The following CCDC191 variants were observed in gnomAD, a reference collection of about 807,000 sequenced individuals.
The protein encoded by CCDC191 is coiled-coil domain-containing protein 191.
A neutral mutation model predicts 114.0 loss-of-function variants in CCDC191; 99 were observed. The ratio of observed to expected loss-of-function variants is 0.87; its 90% CI spans 0.74 to 1.03. The LOEUF (loss-of-function observed/expected upper bound fraction) is 1.03. Among genes scored for constraint, CCDC191 ranks in the 50% least tolerant of loss-of-function variants. CCDC191 has a pLI of 0.00. For synonymous variants in CCDC191, 351 were observed against 376.0 expected (o/e 0.93, Z 0.77); for missense variants, 973 against 1,087.0 (o/e 0.90, Z 1.47).
At chr3:114,031,910 A>G in intron 6 of CCDC191, 131 bp from the exon 7 acceptor site, 1 of 560,996 alleles carries the variant, frequency 1.8e-6, no homozygotes, top group African/African-American at 1.9e-5. Flanking sequence ...TGGCTCTAAA[A>G]CTACATAGTA....
rs760334099 is a variant in CCDC191, at chr3:114,010,955, C to T, written c.1230G>A (p.Gln410=). 101 of 1,613,962 alleles carry T rather than the reference C, an allele frequency of 6.3e-5. No homozygotes were observed. In the Admixed American group the frequency reaches 6.3e-4, roughly 10 times the overall value. Reference sequence around the variant, plus strand: ...TCAGGAGCTCGGCGCCATGCCAATGCTGCCATTCTGTAAAGCAGTGTCGGA... The same window carrying T: ...TCAGGAGCTCGGCGCCATGCCAATGTTGCCATTCTGTAAAGCAGTGTCGGA... ...QVLRHCFTEW[Q]HWHGAELLKR... The change falls in exon 9 of 17, where the codon CAG becomes CAA. Residue 410 remains glutamine, a synonymous_variant. Coordinates refer to ENST00000295878, the MANE Select transcript of CCDC191 (RefSeq NM_020817.2).
chr3:114,005,745 G>A lies in CCDC191; in HGVS notation c.1631C>T (p.Ala544Val), dbSNP rs1396750159. ...NETLRTTSQK[A>V]EPLCLGHFHN... ...GAAATGACCCAAGCAAAGCGGTTCT[G>A]CTTTCTGGCTGGTAGTTCTGAGTGT... is the stretch of plus-strand genomic sequence containing the variant. The change falls in exon 10 of 17, where the codon GCA (alanine) becomes GTA (valine). Residue 544 changes from alanine to valine, a missense_variant. Coordinates refer to ENST00000295878, the MANE Select transcript of CCDC191 (RefSeq NM_020817.2). 1 of 1,614,134 alleles carries A rather than the reference G, an allele frequency of 6.2e-7. No individual in the cohort carries two copies. The highest frequency in any genetic ancestry group is 8.5e-7 in the Non-Finnish European group (1 of 1,180,004).
chr3:113,985,507 A>G (rs2075322198), intron 13 of CCDC191, among the ~76,000 whole-genome samples: 1 of 152,158 alleles, frequency 6.6e-6, no homozygotes, highest in Admixed American at 6.6e-5. Flanking sequence ...AAGCTCTACC[A>G]CTGGAGTGGG....
chr3:113,968,339 T>A (rs927365061), intron 16 of CCDC191, among the ~76,000 whole-genome samples: 1 of 152,246 alleles, frequency 6.6e-6, no homozygotes, highest in Admixed American at 6.5e-5. Flanking sequence ...TGGCATAAGA[T>A]GATATCGCAT....
chr3:114,055,405 T>C (rs2076757359), intron 1 of CCDC191, among the ~76,000 whole-genome samples: 1 of 152,246 alleles, frequency 6.6e-6, no homozygotes, highest in Admixed American at 6.5e-5. Context: ...AGCCTCAGTT[T>C]CCAAGTCTCC....
chr3:114,050,082 C>G (rs539308399), intron 2 of CCDC191, among the ~76,000 whole-genome samples: 11 of 152,310 alleles, frequency 7.2e-5, no homozygotes, highest in African/African-American at 2.6e-4. Flanking sequence ...TTAAGAAAAA[C>G]TGAACACCTT....
At chr3:114,010,693 T>C in intron 9 of CCDC191, 79 bp downstream of exon 9, 1 of 1,411,976 alleles carries the variant, frequency 7.1e-7, no homozygotes, top group South Asian at 1.4e-5. Flanking sequence ...GACAAAGCAA[T>C]CTGACAATGA....
chr3:113,971,527 C>T (rs1483674836), intron 16 of CCDC191, among the ~76,000 whole-genome samples: 1 of 152,156 alleles, frequency 6.6e-6, no homozygotes, highest in Admixed American at 6.5e-5. Flanking sequence ...TGGGATAAAT[C>T]CCACTTGATC....
intron 7 of CCDC191, among the ~76,000 whole-genome samples, chr3:114,021,286 G>A (rs1577432078): frequency 6.6e-6 from 1 of 151,992 alleles, no homozygotes; most frequent in East Asian, 1.9e-4. Context: ...TACTTATGTT[G>A]AGACTTTGAG....
intron 7 of CCDC191, 71 bp from the exon 8 acceptor site, chr3:114,018,939 C>G (rs1297456304): frequency 1.5e-6 from 2 of 1,363,134 alleles, no homozygotes; most frequent in African/African-American, 2.9e-5. Context: ...ACTGACAGCC[C>G]TCTCCTCAGA....
chr3:114,046,918 T>C (rs1399046894), intron 2 of CCDC191, 186 bp from the exon 3 acceptor site: 2 of 971,080 alleles, frequency 2.1e-6, no homozygotes, highest in African/African-American at 1.8e-5. Context: ...TCATATATAA[T>C]ATTAAATTAA....
Position 114,046,642 on chromosome 3 carries a change from C to G in CCDC191, c.220G>C (p.Asp74His), listed in dbSNP as rs1353452123. ...LPRSPWGQIT[D>H]LKTSEQIEDH... ...TCTATTTGCTCAGATGTTTTCAAAT[C>G]TGTGATTTGGCCCCAGGGACTTCTA... The change falls in exon 3 of 17, where the codon GAT (aspartate) becomes CAT (histidine). Residue 74 changes from aspartate to histidine, a missense_variant. Physicochemically the swap from Asp to His is moderately conservative, Grantham distance 81. Coordinates refer to ENST00000295878, the MANE Select transcript of CCDC191 (RefSeq NM_020817.2). The G allele has an allele frequency of 6.2e-7, 1 of 1,612,178 alleles. No homozygotes were observed. The highest frequency in any genetic ancestry group is 1.1e-5 in the South Asian group (1 of 91,042).
At chr3:114,053,297 A>G (rs1038930940) in intron 2 of CCDC191, among the ~76,000 whole-genome samples, 1 of 152,178 alleles carries the variant, frequency 6.6e-6, no homozygotes, top group African/African-American at 2.4e-5. Flanking sequence ...GAAGGCCACC[A>G]TATCCTCTCC....
rs750469447 is a variant in CCDC191, at chr3:114,031,688, C to A, written c.910G>T (p.Val304Leu). The change falls in exon 7 of 17, where the codon GTG (valine) becomes TTG (leucine). Residue 304 changes from valine to leucine, a missense_variant. Val to Leu is a conservative substitution (Grantham distance 32, BLOSUM62 1). Transcript: ENST00000295878. ...THILPDEEKM[V>L]KERKRKLKEV... ...TTCAATTTCCTTTTTCTTTCCTTCACCATTTTTTCCTCATCTGGAAGAATG... is the reference window on the plus strand; with the variant it reads ...TTCAATTTCCTTTTTCTTTCCTTCAACATTTTTTCCTCATCTGGAAGAATG... 1.3e-6 allele frequency: 2 copies of A among 1,597,946 alleles called. No homozygotes were observed. The highest frequency in any genetic ancestry group is 2.2e-5 in the South Asian group (2 of 90,642).
chr3:114,043,102 T>C (rs188563246), intron 3 of CCDC191, among the ~76,000 whole-genome samples: 146 of 152,280 alleles, frequency 9.6e-4, no homozygotes, highest in Middle Eastern at 3.4e-3. Flanking sequence ...ATGGGTGTTG[T>C]AGCTTTAAAT....
At chr3:113,977,289 G>C (rs1305752685) in intron 16 of CCDC191, among the ~76,000 whole-genome samples, 1 of 151,912 alleles carries the variant, frequency 6.6e-6, no homozygotes, top group Non-Finnish European at 1.5e-5. Flanking sequence ...GTTGAGAAAA[G>C]GGGCATTTTT....
chr3:113,976,195 G>T (rs932465898), intron 16 of CCDC191, among the ~76,000 whole-genome samples: 9 of 151,970 alleles, frequency 5.9e-5, no homozygotes, highest in Non-Finnish European at 4.4e-5. Flanking sequence ...GGAGGCGGAG[G>T]TTGCAGTGAG....
At chr3:113,965,442 ATAATTCTTATGT>A (rs1430858411) in intron 16 of CCDC191, 83 bp from the exon 17 acceptor site, 1 of 701,370 alleles carries the variant, frequency 1.4e-6, no homozygotes, top group Non-Finnish European at 2.3e-6. Flanking sequence ...CTTTATAAAA[ATAATTCTTATGT>A]TAATAAAATG....
Position 113,971,294 on chromosome 3 carries a change from AT to A in CCDC191, c.2607-5936del, listed in dbSNP as rs1282681212. Among the ~76,000 whole-genome samples, 3 of 152,020 alleles carry A rather than the reference AT, an allele frequency of 2.0e-5. No individual in the cohort carries two copies. In the East Asian group the frequency reaches 5.8e-4, roughly 29 times the overall value. ...GAGATGGTATCTCATTGTGGTTTTG[AT>A]TTGCATTTCTCTGATGGCCAGTGAT... On this transcript the variant is annotated intron_variant, in intron 16 of 16. Transcript: ENST00000295878.
Sources: allele counts gnomAD v4.1 joint callset (sites outside exome capture counted in the v4.1 genomes callset), GRCh38; gene constraint gnomAD v4.1.1; transcripts MANE v1.5; gene names NCBI Gene and HGNC (gene_info 2026-07-23, HGNC 2026-07-21).